PCDH15: variants seen among roughly 807,000 people sequenced by gnomAD.
The protein encoded by PCDH15 is protocadherin-15.
Under a neutral mutation model 178.5 loss-of-function variants are expected in PCDH15, and 129 were observed. The ratio of observed to expected loss-of-function variants is 0.72; its 90% CI spans 0.63 to 0.84. The LOEUF (loss-of-function observed/expected upper bound fraction) is 0.84. PCDH15 is among the 40% of genes least tolerant of loss of function. The probability of loss-of-function intolerance (pLI) is 0.00; values close to 1 mark genes in which losing one functional copy is unlikely to be tolerated. For synonymous variants in PCDH15, 800 were observed against 732.0 expected, an observed-to-expected ratio of 1.09 and a Z score of -1.50; for missense variants, 2,230 against 2,099.9, an observed-to-expected ratio of 1.06 and a Z score of -1.21.
At chr10:55,426,434 C>A (rs886584374) in intron 2 of PCDH15, among the ~76,000 whole-genome samples, 2 of 152,124 alleles carry the variant, frequency 1.3e-5, no homozygotes, top group Non-Finnish European at 2.9e-5. Context: ...TGAGCAGGTA[C>A]AGGAGCAGGC....
intron 26 of PCDH15, among the ~76,000 whole-genome samples, chr10:53,890,481 C>G (rs906696821): frequency 1.3e-5 from 2 of 152,120 alleles, no homozygotes; most frequent in Admixed American, 6.5e-5. Flanking sequence ...ATCTTGGGGT[C>G]TATTGGCTTC....
intron 26 of PCDH15, among the ~76,000 whole-genome samples, chr10:53,898,453 G>A (rs945624305): frequency 3.3e-5 from 5 of 151,942 alleles, no homozygotes; most frequent in African/African-American, 7.3e-5. Flanking sequence ...TTTTCTTTTC[G>A]CACTCCTCAT....
rs192698639 is a variant in PCDH15 at position 54,578,274 on chromosome 10, T to C, written c.92-50397A>G. Among the ~76,000 whole-genome samples the C allele has an allele frequency of 5.5e-3, 842 of 152,294 alleles. 10 individuals are homozygous for C. The highest frequency in any genetic ancestry group is 0.019 in the African/African-American group (809 of 41,574). On this transcript the variant is annotated intron_variant, in intron 2 of 37. Coordinates refer to ENST00000644397, the MANE Select transcript of PCDH15 (RefSeq NM_001384140.1). ...TCTTGGGCATACAAATCAGTCTTTC[T>C]TCTGATTAATGTGGCATTGTCCATC...
intron 1 of PCDH15, among the ~76,000 whole-genome samples, chr10:54,781,368 T>C (rs968655250): frequency 6.6e-6 from 1 of 152,092 alleles, no homozygotes; most frequent in Non-Finnish European, 1.5e-5. Context: ...ATGAGATCCA[T>C]AGTACTCACA....
intron 2 of PCDH15, among the ~76,000 whole-genome samples, chr10:54,652,929 TC>T (rs1565858730): frequency 6.6e-6 from 1 of 152,200 alleles, no homozygotes; most frequent in Non-Finnish European, 1.5e-5. Flanking sequence ...ATCTGCCTAA[TC>T]TCTGCCACCT....
At chr10:54,185,053 C>G in intron 12 of PCDH15, 81 bp downstream of exon 12, 1 of 1,525,890 alleles carries the variant, frequency 6.6e-7, no homozygotes, top group Non-Finnish European at 9.0e-7. Context: ...CAGTTTTAAC[C>G]AGACATCTCT....
Position 55,204,438 on chromosome 10 carries a change from T to G in PCDH15, c.-155-37787A>C, listed in dbSNP as rs74136393. On this transcript the variant is annotated intron_variant, in intron 1 of 5. Transcript: ENST00000458638. The stretch of plus-strand genomic sequence containing the variant: ...CTTCCTTGAATCTCAGCATAGTTAT[T>G]GGTAGTTTGGAAGTGCTTATGCCAT... Among the ~76,000 whole-genome samples, 569 of 152,046 alleles carry G rather than the reference T, an allele frequency of 3.7e-3. 5 individuals are homozygous for G. Among genetic ancestry groups the G allele is most frequent in the African/African-American group, 0.013 (551 of 41,444 alleles).
At chr10:55,569,438 G>A (rs1842364872) in intron 2 of PCDH15, among the ~76,000 whole-genome samples, 1 of 151,592 alleles carries the variant, frequency 6.6e-6, no homozygotes, top group African/African-American at 2.4e-5. Context: ...ACAACAAAGG[G>A]CAAAAAGTGT....
At chr10:54,556,434 A>C (rs965056474) in intron 2 of PCDH15, among the ~76,000 whole-genome samples, 3 of 152,188 alleles carry the variant, frequency 2.0e-5, no homozygotes, top group African/African-American at 7.2e-5. Context: ...TCAAGATGAG[A>C]TAATTTTTCA....
chr10:54,531,137 G>A (rs2132728474), intron 2 of PCDH15, among the ~76,000 whole-genome samples: 1 of 152,268 alleles, frequency 6.6e-6, no homozygotes, highest in South Asian at 2.1e-4. Flanking sequence ...GGAAAGTCAG[G>A]TGAGCTGCTG....
chr10:55,393,732 C>CT (rs1235250696), intron 2 of PCDH15, among the ~76,000 whole-genome samples: 1 of 152,142 alleles, frequency 6.6e-6, no homozygotes, highest in African/African-American at 2.4e-5. Context: ...GATCACAACT[C>CT]TGATTGGACC....
chr10:55,127,285 TA>T (rs1837926375), intron 2 of PCDH15, among the ~76,000 whole-genome samples: 1 of 152,078 alleles, frequency 6.6e-6, no homozygotes, highest in Non-Finnish European at 1.5e-5. Flanking sequence ...CTTGATGCTT[TA>T]TCATTTTATA....
chr10:54,182,046 C>T (rs775744160), intron 13 of PCDH15, among the ~76,000 whole-genome samples: 11 of 152,114 alleles, frequency 7.2e-5, no homozygotes, highest in Non-Finnish European at 4.4e-5. Flanking sequence ...CAATCTCCAC[C>T]TCCTGGGTTC....
At chr10:54,339,842 C>G (rs990024197) in intron 6 of PCDH15, among the ~76,000 whole-genome samples, 1 of 152,180 alleles carries the variant, frequency 6.6e-6, no homozygotes, top group Non-Finnish European at 1.5e-5. Context: ...CAGCAACAAT[C>G]GTATTAGCGT....
chr10:53,810,551 A>G lies in PCDH15; in HGVS notation c.4671+5T>C, dbSNP rs2075826854. On this transcript the variant is annotated splice_donor_5th_base_variant and intron_variant, in intron 37 of 37. Transcript: ENST00000644397. ...TATCTTACATAATAAAATTACAGTA[A>G]TTACCTCTTCCTCCTCATATTCTTC... 1.9e-6 allele frequency: 3 copies of G among 1,609,938 alleles called. No homozygotes were observed. Among genetic ancestry groups the G allele is most frequent in the Middle Eastern group, 1.6e-4 (1 of 6,078 alleles).
chr10:54,520,370 A>T lies in PCDH15; in HGVS notation c.157+7442T>A, dbSNP rs572024552. Among the ~76,000 whole-genome samples the T allele has an allele frequency of 1.3e-4, 20 of 152,326 alleles. 1 individual carries two copies. The South Asian group carries it at 3.1e-3, about 24-fold the overall frequency. ...ATGAACTCAAACAAATTTACAAGAA[A>T]AAAACAAACAACCCCATCAAAAAGT... On this transcript the variant is annotated intron_variant, in intron 3 of 37. Transcript: ENST00000644397.
At chr10:54,982,324 G>GA (rs1405055454) in intron 2 of PCDH15, among the ~76,000 whole-genome samples, 2 of 152,020 alleles carry the variant, frequency 1.3e-5, no homozygotes, top group Admixed American at 6.6e-5. Context: ...ACAGTATGTA[G>GA]AAAATTATAA....
intron 2 of PCDH15, among the ~76,000 whole-genome samples, chr10:55,393,502 G>A (rs1400676950): frequency 6.6e-6 from 1 of 152,124 alleles, no homozygotes; most frequent in African/African-American, 2.4e-5. Context: ...TAAACTGAGA[G>A]ACCAAAACAG....
chr10:54,786,165 C>A (rs1950857710), intron 1 of PCDH15, among the ~76,000 whole-genome samples: 1 of 151,962 alleles, frequency 6.6e-6, no homozygotes, highest in Non-Finnish European at 1.5e-5. Flanking sequence ...ATATATGACA[C>A]AAAACCGGCA....
Sources: allele counts gnomAD v4.1 joint callset (sites outside exome capture counted in the v4.1 genomes callset), GRCh38; gene constraint gnomAD v4.1.1; transcripts MANE v1.5; gene names NCBI Gene and HGNC (gene_info 2026-07-23, HGNC 2026-07-21).